DNAH6: variants seen among roughly 807,000 people sequenced by gnomAD.
DNAH6 encodes axonemal beta dynein heavy chain 6.
In DNAH6, 340 loss-of-function variants were observed where a neutral mutation model predicts 491.4. The ratio of observed to expected loss-of-function variants is 0.69; its 90% CI spans 0.63 to 0.76. DNAH6 has a LOEUF of 0.76. Ranked by LOEUF, DNAH6 falls within the 30% of genes least tolerant of loss-of-function variation. The pLI, the probability that DNAH6 is intolerant of heterozygous loss-of-function variation, is 0.00. For synonymous variants in DNAH6, 1,603 were observed against 1,686.1 expected, an observed-to-expected ratio of 0.95 and a Z score of 1.21; for missense variants, 4,443 against 4,972.2, an observed-to-expected ratio of 0.89 and a Z score of 3.20.
At chr2:84,630,915 C>T (rs1459304380) in intron 29 of DNAH6, among the ~76,000 whole-genome samples, 1 of 152,034 alleles carries the variant, frequency 6.6e-6, no homozygotes, top group African/African-American at 2.4e-5. Context: ...TGGCATATAC[C>T]TTCTTTCACC....
At chr2:84,520,946 T>G (rs776367314) in intron 2 of DNAH6, among the ~76,000 whole-genome samples, 3 of 152,146 alleles carry the variant, frequency 2.0e-5, no homozygotes, top group Non-Finnish European at 4.4e-5. Flanking sequence ...GATTACTGGC[T>G]CGAATGGGAG....
At chr2:84,595,138 T>G (rs1471901826) in intron 17 of DNAH6, among the ~76,000 whole-genome samples, 1 of 152,108 alleles carries the variant, frequency 6.6e-6, no homozygotes, top group African/African-American at 2.4e-5. Flanking sequence ...AAATGAAGGT[T>G]TACAAATTTT....
At chr2:84,733,610 G>A (rs902207671) in intron 62 of DNAH6, 31 bp downstream of exon 62, 2 of 1,539,386 alleles carry the variant, frequency 1.3e-6, no homozygotes, top group Non-Finnish European at 1.8e-6. Context: ...TGCTGAGGAG[G>A]CTTATAAACA....
chr2:84,638,762 ATGGTTCTGC>A (rs1689107500), intron 31 of DNAH6, among the ~76,000 whole-genome samples: 1 of 152,154 alleles, frequency 6.6e-6, no homozygotes, highest in Non-Finnish European at 1.5e-5. Context: ...TAATTGGCTC[ATGGTTCTGC>A]AGGCTGTACA....
intron 59 of DNAH6, among the ~76,000 whole-genome samples, chr2:84,720,367 C>T (rs867370101): frequency 1.4e-5 from 2 of 146,404 alleles, no homozygotes; most frequent in East Asian, 4.0e-4. Flanking sequence ...CAAGCTCCGC[C>T]TCCCGGGTTC....
intron 63 of DNAH6, among the ~76,000 whole-genome samples, chr2:84,754,249 G>A (rs150208424): frequency 0.022 from 3,207 of 146,946 alleles, 112 homozygotes; most frequent in African/African-American, 0.076. Flanking sequence ...GCACGATCTC[G>A]GCTCACTGCA....
intron 21 of DNAH6, 41 bp downstream of exon 21, chr2:84,607,136 G>A: frequency 6.6e-7 from 1 of 1,526,476 alleles, no homozygotes; most frequent in Non-Finnish European, 8.9e-7. Context: ...CAGAGAATTG[G>A]AGAGTCACAA....
chr2:84,471,814 A>G, the DNAH6 span, among the ~76,000 whole-genome samples: 1 of 152,212 alleles, frequency 6.6e-6, no homozygotes. Context: ...GGCCACTGAT[A>G]ATGAGAAACA....
chr2:84,677,086 A>C lies in DNAH6; in HGVS notation c.6694A>C (p.Met2232Leu). 6.4e-7 allele frequency: 1 copy of C among 1,551,766 alleles called. No individual in the cohort carries two copies. ...VTPRFIRHFS[M>L]LCLPMPSEHS... ...TCCCCGCTTCATCAGACACTTCAGC[A>C]TGCTGTGCCTCCCAATGCCCTCAGA... The change falls in exon 41 of 77, where the codon ATG becomes CTG. Residue 2232 changes from methionine (M) to leucine (L), a missense_variant. Physicochemically the swap from Met to Leu is conservative, Grantham distance 15. Around this residue, in one of 3 missense-constraint regions of DNAH6, gnomAD observed 2,977 missense variants for 3,296.6 expected, o/e 0.90. Coordinates refer to ENST00000389394, the MANE Select transcript of DNAH6 (RefSeq NM_001370.2).
chr2:84,623,701 A>G (rs1434744429), intron 26 of DNAH6, among the ~76,000 whole-genome samples: 2 of 152,212 alleles, frequency 1.3e-5, no homozygotes, highest in Non-Finnish European at 2.9e-5. Flanking sequence ...ACAATGGTGC[A>G]AGGTCCTCAG....
intron 60 of DNAH6, among the ~76,000 whole-genome samples, chr2:84,726,448 C>G (rs1698639121): frequency 6.6e-6 from 1 of 152,208 alleles, no homozygotes; most frequent in African/African-American, 2.4e-5. Context: ...TCAGCTTCCT[C>G]ACGCAGCTTG....
At chr2:84,585,458 C>G (rs1282146982) in intron 15 of DNAH6, among the ~76,000 whole-genome samples, 1 of 152,172 alleles carries the variant, frequency 6.6e-6, no homozygotes. Context: ...GTTAGAACAG[C>G]TCGGAGGAAA....
chr2:84,475,039 C>T, the DNAH6 span, among the ~76,000 whole-genome samples: 11 of 152,316 alleles, frequency 7.2e-5, no homozygotes, highest in Admixed American at 1.3e-4. Context: ...AGGCAGACCA[C>T]GGAGTTGAGG....
intron 61 of DNAH6, among the ~76,000 whole-genome samples, chr2:84,729,854 G>C (rs1373300922): frequency 6.6e-6 from 1 of 152,082 alleles, no homozygotes; most frequent in Non-Finnish European, 1.5e-5. Flanking sequence ...TTTATCGTAA[G>C]TACTACATTG....
At chr2:84,738,386 T>A (rs1672203485) in intron 62 of DNAH6, among the ~76,000 whole-genome samples, 1 of 152,048 alleles carries the variant, frequency 6.6e-6, no homozygotes, top group Non-Finnish European at 1.5e-5. Context: ...CGAATTTATG[T>A]CCAGAATTGG....
intron 4 of DNAH6, among the ~76,000 whole-genome samples, chr2:84,539,416 C>G (rs946203745): frequency 1.3e-5 from 2 of 152,130 alleles, no homozygotes; most frequent in African/African-American, 4.8e-5. Flanking sequence ...TCTGAAGAAA[C>G]TAGAGCAGTA....
chr2:84,652,212 A>G (rs1690516715), intron 33 of DNAH6, among the ~76,000 whole-genome samples: 1 of 152,072 alleles, frequency 6.6e-6, no homozygotes. Context: ...ATTAAATCAA[A>G]TTGTCTTCCA....
rs1432199883 is a variant in DNAH6 at position 84,659,072 on chromosome 2, G to T, written c.5987G>T (p.Cys1996Phe). 4.7e-6 allele frequency: 7 copies of T among 1,492,258 alleles called. 1 individual carries two copies. The South Asian group carries it at 7.4e-5, about 16-fold the overall frequency. 92.4% of individuals were successfully genotyped at this position (1,492,258 alleles called of 1,614,324 possible). A position where few individuals can be genotyped will look rare whatever the true frequency, so the allele number is the denominator to read the frequency against. Reference protein sequence around the residue: ...NTILCQTFVFCYLWSLGGNLT... With the variant: ...NTILCQTFVFFYLWSLGGNLT... ...ATACTATGTCAGACTTTTGTATTCT[G>T]TTATTTGTGGTCTTTGGGTGGAAAC... The change falls in exon 37 of 77, where the codon TGT (cysteine) becomes TTT (phenylalanine). Residue 1996 changes from cysteine (C) to phenylalanine (F), a missense_variant. Around this residue, in one of 3 missense-constraint regions of DNAH6, gnomAD observed 2,977 missense variants for 3,296.6 expected, o/e 0.90. Coordinates refer to ENST00000389394, the MANE Select transcript of DNAH6 (RefSeq NM_001370.2).
chr2:84,467,821 A>G, the DNAH6 span, among the ~76,000 whole-genome samples: 1 of 152,228 alleles, frequency 6.6e-6, no homozygotes, highest in Non-Finnish European at 1.5e-5. Flanking sequence ...GGCTAATTCC[A>G]CATGTCCCCA....
Sources: allele counts gnomAD v4.1 joint callset (sites outside exome capture counted in the v4.1 genomes callset), GRCh38; gene constraint gnomAD v4.1.1; regional missense constraint gnomAD v4.1.1; transcripts MANE v1.5; gene names NCBI Gene and HGNC (gene_info 2026-07-23, HGNC 2026-07-21).